Variants in CENPA observed in about 807,000 individuals in gnomAD.
The protein encoded by CENPA is centromere protein A, also known as histone H3-like centromeric protein A.
Under a neutral mutation model 17.2 loss-of-function variants are expected in CENPA, and 7 were observed. That is an observed-to-expected ratio of 0.41 (90% confidence interval 0.23 to 0.76). CENPA has a LOEUF of 0.76. Ranked by LOEUF, CENPA falls within the 30% of genes least tolerant of loss-of-function variation. The probability of loss-of-function intolerance (pLI) is 0.34; values close to 1 mark genes in which losing one functional copy is unlikely to be tolerated. For missense variants in CENPA, 149 were observed against 193.1 expected, an observed-to-expected ratio of 0.77 and a Z score of 1.35; for synonymous variants, 82 against 77.4, an observed-to-expected ratio of 1.06 and a Z score of -0.31.
intron 1 of CENPA, among the ~76,000 whole-genome samples, chr2:26,789,966 A>T (rs1438591230): frequency 6.6e-6 from 1 of 152,200 alleles, no homozygotes; most frequent in Non-Finnish European, 1.5e-5. Context: ...TTCTTATTAC[A>T]GTAGGATTAA....
intron 1 of CENPA, among the ~76,000 whole-genome samples, chr2:26,787,795 A>G (rs919969046): frequency 6.6e-6 from 1 of 152,134 alleles, no homozygotes; most frequent in African/African-American, 2.4e-5. Context: ...AAACACGAGG[A>G]TTTAACCTTT....
At chr2:26,793,403 C>A in intron 4 of CENPA, 77 bp downstream of exon 4, 1 of 1,285,502 alleles carries the variant, frequency 7.8e-7, no homozygotes, top group Non-Finnish European at 1.1e-6. Context: ...AGTCCCTTGT[C>A]ACCTCGCCTT....
chr2:26,789,894 T>C (rs752698729), intron 1 of CENPA, among the ~76,000 whole-genome samples: 45 of 152,204 alleles, frequency 3.0e-4, no homozygotes, highest in Non-Finnish European at 5.4e-4. Context: ...TCTACTTCTT[T>C]CCTTACACAG....
chr2:26,792,757 C>T lies in CENPA; in HGVS notation c.212C>T (p.Ala71Val). ...LIRKLPFSRL[A>V]REICVKFTRG... ...CTCCCCTTCCCCACTCCTTCACAGGCAAGAGAAATATGTGTTAAATTCACT... is the reference window on the plus strand; with the variant it reads ...CTCCCCTTCCCCACTCCTTCACAGGTAAGAGAAATATGTGTTAAATTCACT... Residue 71 changes from alanine (A) to valine (V), a missense_variant and splice_region_variant, in exon 3 of 5, where the codon GCA (alanine) becomes GTA (valine). By Grantham distance (64) the Ala-to-Val change is moderately conservative. This residue lies in a region of CENPA where 54 missense variants were observed against 105.7 expected (regional missense o/e 0.51). Transcript: ENST00000335756. The T allele has an allele frequency of 6.2e-7, 1 of 1,614,036 alleles. No individual in the cohort carries two copies.
chr2:26,791,542 A>G (rs1170498606), intron 1 of CENPA, among the ~76,000 whole-genome samples: 1 of 152,214 alleles, frequency 6.6e-6, no homozygotes, highest in East Asian at 1.9e-4. Context: ...GTTAGGCCAC[A>G]CCTTACACAG....
At position 26,792,133 on chromosome 2, in the gene CENPA, G is replaced by A. The variant is rs141275453; in HGVS notation, c.103G>A (p.Ala35Thr). Residue 35 changes from alanine (A) to threonine (T), a missense_variant and splice_region_variant, in exon 2 of 5, where the codon GCT becomes ACT. Physicochemically the swap from Ala to Thr is moderately conservative, Grantham distance 58 (BLOSUM62 0). This residue lies in a region of CENPA where 95 missense variants were observed against 87.5 expected (regional missense o/e 1.09). Coordinates refer to ENST00000335756, the MANE Select transcript of CENPA (RefSeq NM_001809.4). The part of the protein sequence containing the change: ...GPSRRGPSLG[A>T]SSHQHSRRRQ... ...GAACTTACCTTTCTTTTGCTCAGGC[G>A]CTTCCTCCCATCAACACAGTCGGCG... The A allele has an allele frequency of 8.4e-5, 135 of 1,613,336 alleles. No individual in the cohort carries two copies. The highest frequency in any genetic ancestry group is 7.9e-4 in the African/African-American group (59 of 74,844).
In CENPA at chr2:26,791,155, ACT is replaced by A. The variant is rs1381974871; in HGVS notation, c.101-973_101-972del. On this transcript the variant is annotated intron_variant, in intron 1 of 4. Transcript: ENST00000335756. Reference sequence around the variant, plus strand: ...TATCTTGTTTTGGTTTACTTTAATAACTCTGTAATACTTAATTTGACTGCTTG... The same window carrying A: ...TATCTTGTTTTGGTTTACTTTAATAACTGTAATACTTAATTTGACTGCTTG... Among the ~76,000 whole-genome samples the A allele has an allele frequency of 7.9e-5, 12 of 152,130 alleles. No homozygotes were observed. The East Asian group carries it at 2.1e-3, about 27-fold the overall frequency.
At chr2:26,791,932 T>A (rs1664622226) in intron 1 of CENPA, among the ~76,000 whole-genome samples, 199 bp from the exon 2 acceptor site, 1 of 152,220 alleles carries the variant, frequency 6.6e-6, no homozygotes, top group East Asian at 1.9e-4. Flanking sequence ...AATTACTATA[T>A]ATCAGGTTGG....
Position 26,788,551 on chromosome 2 carries a change from G to A in CENPA, c.100+2255G>A, listed in dbSNP as rs147195515. On this transcript the variant is annotated intron_variant, in intron 1 of 4. Coordinates refer to ENST00000335756, the MANE Select transcript of CENPA (RefSeq NM_001809.4). Reference sequence around the variant, plus strand: ...CTATCAAAGCCCTTCCTTCTACATGGGGTCTTGGTCATATCCTTCTTTCAC... The same window carrying A: ...CTATCAAAGCCCTTCCTTCTACATGAGGTCTTGGTCATATCCTTCTTTCAC... Among the ~76,000 whole-genome samples the A allele has an allele frequency of 1.4e-3, 207 of 152,154 alleles. 1 individual carries two copies. Among genetic ancestry groups the A allele is most frequent in the African/African-American group, 4.9e-3 (202 of 41,486 alleles).
intron 3 of CENPA, 127 bp downstream of exon 3, chr2:26,792,960 C>T (rs1664648043): frequency 1.6e-6 from 2 of 1,238,010 alleles, no homozygotes; most frequent in African/African-American, 1.5e-5. Flanking sequence ...ATGAGGTAAC[C>T]TCTGAGGGTT....
intron 1 of CENPA, among the ~76,000 whole-genome samples, chr2:26,789,451 G>T (rs1664577153): frequency 6.6e-6 from 1 of 151,744 alleles, no homozygotes; most frequent in East Asian, 1.9e-4. Context: ...CCCTCCCTAG[G>T]TGGTCTCATC....
chr2:26,786,283 G>T lies in CENPA; in HGVS notation c.87G>T (p.Arg29=). 7.5e-7 allele frequency: 1 copy of T among 1,340,870 alleles called. No individual in the cohort carries two copies. The allele number at this position is 1,340,870 out of a possible 1,614,324, so 83.1% of individuals were successfully genotyped here. ...SPTPTPGPSR[R]GPSLGASSHQ... is the part of the protein sequence containing the mutation. The stretch of plus-strand genomic sequence containing the variant: ...CCCCGACCCCCGGCCCCTCCCGGCG[G>T]GGCCCCTCCTTAGGTAACCGGCCGC... Residue 29 remains arginine, a synonymous_variant, in exon 1 of 5, where the codon CGG becomes CGT. Coordinates refer to ENST00000335756, the MANE Select transcript of CENPA (RefSeq NM_001809.4).
chr2:26,786,401 ACGCGGTTCCGCCGTCCGGCATC>A, intron 1 of CENPA, 105 bp downstream of exon 1: 1 of 1,248,076 alleles, frequency 8.0e-7, no homozygotes, highest in Non-Finnish European at 1.0e-6. Flanking sequence ...TTGGGGGACA[ACGCGGTTCCGCCGTCCGGCATC>A]CGCTCCGGGC....
At chr2:26,793,409 G>C (rs558557805) in intron 4 of CENPA, 83 bp downstream of exon 4, 1 of 1,245,588 alleles carries the variant, frequency 8.0e-7, no homozygotes, top group Non-Finnish European at 1.1e-6. Context: ...TTGTCACCTC[G>C]CCTTCCCTTT....
Position 26,786,111 on chromosome 2 carries a change from T to C in CENPA, c.-86T>C. ...GCTCGCGGCACAGCGTTCTCTGGGCTCCCCAGAAGCCAGCCTTTCGCTCCC... is the reference window on the plus strand; with the variant it reads ...GCTCGCGGCACAGCGTTCTCTGGGCCCCCCAGAAGCCAGCCTTTCGCTCCC... On this transcript the variant is annotated 5_prime_UTR_variant, in exon 1 of 5. Transcript: ENST00000335756. The C allele has an allele frequency of 1.5e-6, 2 of 1,319,840 alleles. No homozygotes were observed. The highest frequency in any genetic ancestry group is 3.1e-5 in the East Asian group (1 of 31,788). 81.8% of individuals were successfully genotyped at this position (1,319,840 alleles called of 1,614,324 possible).
rs953170544 is a variant in CENPA, at chr2:26,793,398, C to G, written c.*47+72C>G. The G allele has an allele frequency of 3.8e-6, 5 of 1,322,980 alleles. No individual in the cohort carries two copies. The African/African-American group carries it at 5.9e-5, about 16-fold the overall frequency. The allele number at this position is 1,322,980 out of a possible 1,614,324, so 82.0% of individuals were successfully genotyped here. A position where few individuals can be genotyped will look rare whatever the true frequency, so the allele number is the denominator to read the frequency against. On this transcript the variant is annotated intron_variant, in intron 4 of 4. Coordinates refer to ENST00000335756, the MANE Select transcript of CENPA (RefSeq NM_001809.4). ...AATTTCCTTTCTCCATCCATAGTCC[C>G]TTGTCACCTCGCCTTCCCTTTGTTC...
chr2:26,786,150 C>T lies in CENPA; in HGVS notation c.-47C>T. 1.4e-6 allele frequency: 2 copies of T among 1,381,508 alleles called. No homozygotes were observed. The highest frequency in any genetic ancestry group is 3.6e-5 in the Admixed American group (1 of 27,664). The allele number at this position is 1,381,508 out of a possible 1,614,324, so 85.6% of individuals were successfully genotyped here. A position where few individuals can be genotyped will look rare whatever the true frequency, so the allele number is the denominator to read the frequency against. ...CCTTTCGCTCCCGGACCCGGCAGCCCGAGCAGGAGCCGTGGGACCGGGCGC... is the reference window on the plus strand; with the variant it reads ...CCTTTCGCTCCCGGACCCGGCAGCCTGAGCAGGAGCCGTGGGACCGGGCGC... On this transcript the variant is annotated 5_prime_UTR_variant, in exon 1 of 5. Coordinates refer to ENST00000335756, the MANE Select transcript of CENPA (RefSeq NM_001809.4).
At chr2:26,792,725 C>G in intron 2 of CENPA, 31 bp from the exon 3 acceptor site, 1 of 1,573,542 alleles carries the variant, frequency 6.4e-7, no homozygotes, top group Non-Finnish European at 8.7e-7. Flanking sequence ...ACTCCCTACT[C>G]CTACTCCTCC....
rs761409036 is a variant in CENPA, at chr2:26,792,111, C to T, written c.101-20C>T. ...GAGGCACCACCTATTTTCCACTGAA[C>T]TTACCTTTCTTTTGCTCAGGCGCTT... On this transcript the variant is annotated intron_variant, in intron 1 of 4. Transcript: ENST00000335756. The T allele has an allele frequency of 4.3e-6, 7 of 1,609,688 alleles. No homozygotes were observed. The highest frequency in any genetic ancestry group is 1.3e-5 in the African/African-American group (1 of 74,856).
Sources: allele counts gnomAD v4.1 joint callset (sites outside exome capture counted in the v4.1 genomes callset), GRCh38; gene constraint gnomAD v4.1.1; regional missense constraint gnomAD v4.1.1; transcripts MANE v1.5; gene names NCBI Gene and HGNC (gene_info 2026-07-23, HGNC 2026-07-21).